The following ABL2 variants were observed in gnomAD, a reference collection of about 807,000 sequenced individuals.
The protein encoded by ABL2 is tyrosine-protein kinase ABL2.
In ABL2, 49 loss-of-function variants were observed where a neutral mutation model predicts 107.7. The observed-to-expected ratio is 0.45, with a 90% CI of 0.36 to 0.58. ABL2 has a LOEUF of 0.58. ABL2 is among the 20% of genes least tolerant of loss of function. The pLI is 0.00. For synonymous variants in ABL2, 549 were observed against 548.6 expected, an observed-to-expected ratio of 1.00 and a Z score of -0.01; for missense variants, 1,245 against 1,457.0, an observed-to-expected ratio of 0.85 and a Z score of 2.37.
intron 1 of ABL2, among the ~76,000 whole-genome samples, chr1:179,202,457 T>C (rs182729952): frequency 6.6e-6 from 1 of 152,374 alleles, no homozygotes; most frequent in East Asian, 1.9e-4. Flanking sequence ...CTGAGTATGT[T>C]CTGTTCAACA....
At chr1:179,128,761 G>A (rs185918983) in intron 3 of ABL2, among the ~76,000 whole-genome samples, 7 of 152,324 alleles carry the variant, frequency 4.6e-5, no homozygotes, top group African/African-American at 1.4e-4. Context: ...ACAGCTCACT[G>A]TAACCTCAAC....
chr1:179,154,189 A>T (rs1415551295), intron 1 of ABL2, among the ~76,000 whole-genome samples: 1 of 152,228 alleles, frequency 6.6e-6, no homozygotes, highest in African/African-American at 2.4e-5. Context: ...CCAACTGCCC[A>T]AAAGTATAAA....
intron 1 of ABL2, among the ~76,000 whole-genome samples, chr1:179,203,374 T>C (rs1325662448): frequency 6.6e-6 from 1 of 152,154 alleles, no homozygotes; most frequent in Non-Finnish European, 1.5e-5. Context: ...CCAGAAAAGA[T>C]CTTCAAATTG....
rs1172549168 is a variant in ABL2 at position 179,110,322 on chromosome 1, T to C, written c.1785A>G (p.Ala595=). 6.2e-7 allele frequency: 1 copy of C among 1,614,102 alleles called. No homozygotes were observed. The highest frequency in any genetic ancestry group is 8.5e-7 in the Non-Finnish European group (1 of 1,180,040). The change falls in exon 11 of 12, where the codon GCA becomes GCG. Residue 595 remains alanine, a synonymous_variant. Coordinates refer to ENST00000502732, the MANE Select transcript of ABL2 (RefSeq NM_007314.4). Reference sequence around the variant, plus strand: ...AAGCAGAATTTTCTGTGGCATCTTGTGCCCCTTCAATGTTCTCCTTGTTCT... The same window carrying C: ...AAGCAGAATTTTCTGTGGCATCTTGCGCCCCTTCAATGTTCTCCTTGTTCT... ...QVENKENIEG[A]QDATENSASS...
chr1:179,217,545 G>A (rs1315220850), intron 1 of ABL2, among the ~76,000 whole-genome samples: 1 of 150,998 alleles, frequency 6.6e-6, no homozygotes, highest in Non-Finnish European at 1.5e-5. Context: ...AGAACCGTTT[G>A]AACCCAGTGG....
At chr1:179,129,673 C>T (rs942529985) in intron 3 of ABL2, among the ~76,000 whole-genome samples, 8 of 145,428 alleles carry the variant, frequency 5.5e-5, no homozygotes, top group African/African-American at 2.0e-4. Flanking sequence ...CAGAGCGAGA[C>T]TCTGTCTCAA....
intron 1 of ABL2, among the ~76,000 whole-genome samples, chr1:179,163,080 T>C (rs771819398): frequency 1.2e-4 from 19 of 152,152 alleles, no homozygotes; most frequent in Admixed American, 3.3e-4. Context: ...AAAAGAGAAC[T>C]TGAACAGACA....
Position 179,109,388 on chromosome 1 carries a change from G to C in ABL2, c.1879C>G (p.Gln627Glu), listed in dbSNP as rs927943387. ...AGGCTGCTGGGTGACTTGTCTCTTT[G>C]CTTTCGAGGCAGTGCTGGGGATCCA... The part of the protein sequence containing the change: ...SSGSPALPRK[Q>E]RDKSPSSLLE... The change falls in exon 12 of 12, where the codon CAA becomes GAA. Residue 627 changes from glutamine to glutamate, a missense_variant. Transcript: ENST00000502732. 6.2e-7 allele frequency: 1 copy of C among 1,614,046 alleles called. No homozygotes were observed.
intron 1 of ABL2, among the ~76,000 whole-genome samples, chr1:179,217,656 T>C (rs931753629): frequency 6.6e-6 from 1 of 151,248 alleles, no homozygotes; most frequent in African/African-American, 2.4e-5. Context: ...GAAATATTAG[T>C]AACACTAAGC....
At chr1:179,176,763 T>C (rs1389463613) in intron 1 of ABL2, among the ~76,000 whole-genome samples, 1 of 135,208 alleles carries the variant, frequency 7.4e-6, no homozygotes, top group Non-Finnish European at 1.5e-5. Flanking sequence ...AGGTGCCATC[T>C]TGGCTCACTG....
intron 1 of ABL2, among the ~76,000 whole-genome samples, chr1:179,202,278 C>G (rs1462103122): frequency 6.6e-6 from 1 of 152,164 alleles, no homozygotes; most frequent in East Asian, 1.9e-4. Context: ...TCCAGATTAG[C>G]TGCTAACAAT....
At chr1:179,144,391 T>G (rs530144219) in intron 1 of ABL2, among the ~76,000 whole-genome samples, 5 of 151,802 alleles carry the variant, frequency 3.3e-5, no homozygotes, top group Admixed American at 6.6e-5. Context: ...ACCCAGGAGG[T>G]GCAGCTTGCA....
intron 1 of ABL2, 71 bp downstream of exon 1, chr1:179,229,170 G>GCCCCCCCCCCCCCCCCCCCCCCCCCCCCC: frequency 1.1e-5 from 3 of 266,256 alleles, no homozygotes; most frequent in East Asian, 9.4e-5. Flanking sequence ...CAGCCCGTCC[G>GCCCCCCCCCCCCCCCCCCCCCCCCCCCCC]CCACCCACCC....
intron 1 of ABL2, among the ~76,000 whole-genome samples, chr1:179,158,111 C>T (rs542399870): frequency 5.3e-5 from 8 of 152,090 alleles, no homozygotes; most frequent in Non-Finnish European, 1.0e-4. Flanking sequence ...ACAAATCAGA[C>T]ATCAAATTTC....
intron 1 of ABL2, chr1:179,142,906 C>T (rs1166882532): frequency 3.1e-6 from 5 of 1,609,522 alleles, no homozygotes; most frequent in Non-Finnish European, 4.2e-6. Context: ...ATCAAGCCTC[C>T]CTGAAACTAT....
chr1:179,108,431 C>T lies in ABL2; in HGVS notation c.2836G>A (p.Val946Met), dbSNP rs28913889. 634 of 1,614,220 alleles carry T rather than the reference C, an allele frequency of 3.9e-4. 4 individuals carry two copies. In the African/African-American group the frequency reaches 7.4e-3, roughly 19 times the overall value. Residue 946 changes from valine to methionine, a missense_variant, in exon 12 of 12, where the codon GTG becomes ATG. Coordinates refer to ENST00000502732, the MANE Select transcript of ABL2 (RefSeq NM_007314.4). ...SPTLKHTPAD[V>M]QLIGTDSQGN... Reference sequence around the variant, plus strand: ...TGAGAGTCTGTGCCAATGAGCTGCACGTCAGCTGGAGTGTGTTTCAGAGTG... The same window carrying T: ...TGAGAGTCTGTGCCAATGAGCTGCATGTCAGCTGGAGTGTGTTTCAGAGTG...
intron 1 of ABL2, 68 bp downstream of exon 1, chr1:179,229,173 A>ACCCCCCCCCCC: frequency 9.0e-6 from 2 of 223,208 alleles, no homozygotes; most frequent in Non-Finnish European, 7.2e-6. Flanking sequence ...CCCGTCCGCC[A>ACCCCCCCCCCC]CCCACCCCGC....
chr1:179,157,892 T>C (rs10913702), intron 1 of ABL2, among the ~76,000 whole-genome samples: 7 of 152,142 alleles, frequency 4.6e-5, no homozygotes, highest in South Asian at 4.2e-4. Context: ...TCTTTAAGCA[T>C]AGGAGCTAGT....
At chr1:179,109,926 T>A (rs1653874476) in intron 11 of ABL2, among the ~76,000 whole-genome samples, 1 of 65,442 alleles carries the variant, frequency 1.5e-5, no homozygotes, top group Non-Finnish European at 2.7e-5. Flanking sequence ...AGACTCCGTC[T>A]CAAAAAAAAA....
Sources: allele counts gnomAD v4.1 joint callset (sites outside exome capture counted in the v4.1 genomes callset), GRCh38; gene constraint gnomAD v4.1.1; transcripts MANE v1.5; gene names NCBI Gene and HGNC (gene_info 2026-07-23, HGNC 2026-07-21).